SRGAP3: variants seen among roughly 807,000 people sequenced by gnomAD.
SRGAP3 encodes SLIT-ROBO Rho GTPase activating protein 3, also known as SLIT-ROBO Rho GTPase-activating protein 3.
A neutral mutation model predicts 121.1 loss-of-function variants in SRGAP3; 39 were observed. The observed-to-expected ratio is 0.32, with a 90% CI of 0.25 to 0.42. SRGAP3 has a LOEUF of 0.42. Ranked by LOEUF, SRGAP3 falls within the 10% of genes least tolerant of loss-of-function variation. SRGAP3 has a pLI of 1.00. For missense variants in SRGAP3, 1,213 were observed against 1,470.6 expected (o/e 0.82, Z 2.86); for synonymous variants, 601 against 570.0 (o/e 1.05, Z -0.77).
chr3:9,007,875 T>C (rs190569474), intron 18 of SRGAP3: 1 of 152,340 alleles, frequency 6.6e-6, no homozygotes, highest in African/African-American at 2.4e-5. Context: ...CTCACTATTC[T>C]GCCACTGTTT....
chr3:9,196,132 C>T (rs1253356905), intron 1 of SRGAP3, among the ~76,000 whole-genome samples: 1 of 152,186 alleles, frequency 6.6e-6, no homozygotes, highest in African/African-American at 2.4e-5. Context: ...AAGCCAGGAA[C>T]CCTCCAGACG....
intron 3 of SRGAP3, among the ~76,000 whole-genome samples, chr3:9,087,682 G>C (rs531561725): frequency 6.8e-4 from 103 of 152,314 alleles, no homozygotes; most frequent in Admixed American, 5.2e-3. Context: ...CTGAGACAGA[G>C]GTTGGGTCAG....
chr3:9,243,774 G>A (rs963388658), intron 1 of SRGAP3, among the ~76,000 whole-genome samples: 1 of 152,108 alleles, frequency 6.6e-6, no homozygotes, highest in African/African-American at 2.4e-5. Flanking sequence ...GGCTTCGTGC[G>A]GACTTCAACT....
At chr3:9,091,548 C>A (rs978921856) in intron 3 of SRGAP3, among the ~76,000 whole-genome samples, 5 of 152,236 alleles carry the variant, frequency 3.3e-5, no homozygotes, top group African/African-American at 1.2e-4. Context: ...CACGGGCCAT[C>A]TCCCAAAGTG....
At chr3:9,151,813 T>C (rs1458720796) in intron 1 of SRGAP3, among the ~76,000 whole-genome samples, 1 of 151,968 alleles carries the variant, frequency 6.6e-6, no homozygotes, top group East Asian at 1.9e-4. Flanking sequence ...TAAGGAAAGG[T>C]ATTGCTGCCT....
chr3:9,217,671 C>T (rs568839174), intron 1 of SRGAP3: 1 of 152,320 alleles, frequency 6.6e-6, no homozygotes, highest in African/African-American at 2.4e-5. Context: ...AAGAGCAGGT[C>T]TTGAATTGTG....
intron 1 of SRGAP3, among the ~76,000 whole-genome samples, chr3:9,182,637 A>AT (rs1277411486): frequency 1.3e-5 from 2 of 152,036 alleles, no homozygotes; most frequent in Non-Finnish European, 2.9e-5. Flanking sequence ...TTATTTTAAA[A>AT]TTTTTTTAAT....
chr3:9,223,511 C>G (rs139939683), intron 1 of SRGAP3, among the ~76,000 whole-genome samples: 3 of 152,334 alleles, frequency 2.0e-5, no homozygotes, highest in Non-Finnish European at 2.9e-5. Flanking sequence ...GCCCTTTGCT[C>G]AGCACACATC....
intron 2 of SRGAP3, among the ~76,000 whole-genome samples, chr3:9,119,108 G>GGCTTT (rs1948910003): frequency 2.6e-5 from 4 of 152,186 alleles, no homozygotes; most frequent in Non-Finnish European, 5.9e-5. Flanking sequence ...GTCCAAAGGA[G>GGCTTT]GACAGACAAG....
At chr3:9,290,006 G>C (rs1417408505) in intron 3 of SRGAP3, among the ~76,000 whole-genome samples, 2 of 152,150 alleles carry the variant, frequency 1.3e-5, no homozygotes, top group Non-Finnish European at 2.9e-5. Flanking sequence ...AGCTACTCAG[G>C]AGGCTGAGAC....
intron 1 of SRGAP3, among the ~76,000 whole-genome samples, chr3:9,334,821 G>A (rs1305502770): frequency 6.6e-6 from 1 of 152,206 alleles, no homozygotes; most frequent in African/African-American, 2.4e-5. Context: ...CTCTAGGAAT[G>A]TCCCTTAGCC....
intron 18 of SRGAP3, among the ~76,000 whole-genome samples, chr3:9,009,089 C>T (rs144641720): frequency 1.6e-3 from 241 of 152,334 alleles, no homozygotes; most frequent in African/African-American, 5.6e-3. Flanking sequence ...AACCCTGGGA[C>T]TTTTCAGGTA....
chr3:9,032,774 G>T lies in SRGAP3; in HGVS notation c.1437-22C>A, dbSNP rs772383460. On this transcript the variant is annotated intron_variant, in intron 11 of 21. Transcript: ENST00000383836. Reference sequence around the variant, plus strand: ...GGGCCTAGGGGAAAACGGAACAAAAGAAATCAAGAAAGCAACCAACATAAA... The same window carrying T: ...GGGCCTAGGGGAAAACGGAACAAAATAAATCAAGAAAGCAACCAACATAAA... 1.2e-5 allele frequency: 20 copies of T among 1,603,338 alleles called. No homozygotes were observed. In the South Asian group the frequency reaches 1.8e-4, roughly 14 times the overall value.
Position 9,056,205 on chromosome 3 carries a change from C to T in SRGAP3, c.1125+28G>A, listed in dbSNP as rs781383661. The T allele has an allele frequency of 3.1e-6, 5 of 1,611,720 alleles. No homozygotes were observed. In the African/African-American group the frequency reaches 6.7e-5, roughly 22 times the overall value. ...ACAAGCCAGGCCTTCCAAAGAAAAT[C>T]CCTTATAGGGCAGAGGGGCTCACTC... is the stretch of plus-strand genomic sequence containing the variant. On this transcript the variant is annotated intron_variant, in intron 8 of 21. Transcript: ENST00000383836.
At position 9,053,229 on chromosome 3, in the gene SRGAP3, G is replaced by C. The variant is rs773755749; in HGVS notation, c.1126-5C>G. 3 of 1,613,046 alleles carry C rather than the reference G, an allele frequency of 1.9e-6. No individual in the cohort carries two copies. Among genetic ancestry groups the C allele is most frequent in the African/African-American group, 1.3e-5 (1 of 74,916 alleles). On this transcript the variant is annotated splice_polypyrimidine_tract_variant and splice_region_variant and intron_variant, in intron 8 of 21. Coordinates refer to ENST00000383836, the MANE Select transcript of SRGAP3 (RefSeq NM_014850.4). ...GGCATCCAGGGTTTTCCTAACCTGG[G>C]GAAACACAGCAGATTGACAAAAATC...
At chr3:9,355,551 T>C (rs1209284496) in intron 1 of SRGAP3, among the ~76,000 whole-genome samples, 4 of 152,218 alleles carry the variant, frequency 2.6e-5, no homozygotes, top group Non-Finnish European at 1.5e-5. Flanking sequence ...CCCTCCTGGC[T>C]ATCTAAATAG....
chr3:9,237,307 G>A lies in SRGAP3; in HGVS notation c.67+11578C>T, dbSNP rs1452591639. Among the ~76,000 whole-genome samples, 9 of 151,928 alleles carry A rather than the reference G, an allele frequency of 5.9e-5. No individual in the cohort carries two copies. In the South Asian group the frequency reaches 6.3e-4, roughly 11 times the overall value. The stretch of plus-strand genomic sequence containing the variant: ...ATTTTTGATTGTCACAACTGGGAGC[G>A]GGGATGCTACTGGCATCTAGTGAGT... On this transcript the variant is annotated intron_variant, in intron 1 of 21. Transcript: ENST00000383836.
intron 18 of SRGAP3, among the ~76,000 whole-genome samples, chr3:9,009,709 G>A (rs369685295): frequency 6.6e-6 from 1 of 152,086 alleles, no homozygotes; most frequent in African/African-American, 2.4e-5. Context: ...GGAGGAATCT[G>A]GAGAAAGGTC....
chr3:9,174,805 C>T (rs946408680), intron 1 of SRGAP3, among the ~76,000 whole-genome samples: 2 of 152,136 alleles, frequency 1.3e-5, no homozygotes, highest in African/African-American at 4.8e-5. Flanking sequence ...TTGATCCTCC[C>T]GAGGAGGAAT....
Sources: gnomAD v4.1 joint callset for allele counts (sites outside exome capture counted in the v4.1 genomes callset) on GRCh38, gnomAD v4.1.1 for gene constraint, MANE v1.5 for transcripts, NCBI Gene and HGNC (gene_info 2026-07-23, HGNC 2026-07-21) for gene names.